The following C22orf15 variants were observed in gnomAD, a reference collection of about 807,000 sequenced individuals.
C22orf15 encodes the protein chromosome 22 open reading frame 15.
C22orf15 carries 21 observed loss-of-function variants against 20.3 expected under a neutral mutation model. The ratio of observed to expected loss-of-function variants is 1.04; its 90% CI spans 0.74 to 1.49. The LOEUF (loss-of-function observed/expected upper bound fraction) is 1.49. Ranked by LOEUF, C22orf15 falls within the 40% of genes most tolerant of loss-of-function variation. The probability of loss-of-function intolerance (pLI) is 0.00; values close to 1 mark genes in which losing one functional copy is unlikely to be tolerated. For missense variants in C22orf15, 170 were observed against 191.1 expected (o/e 0.89, Z 0.65); for synonymous variants, 78 against 75.4 (o/e 1.03, Z -0.18).
rs546921891 is a variant in C22orf15 at position 23,764,624 on chromosome 22, C to G, written c.251-15C>G. 6.2e-7 allele frequency: 1 copy of G among 1,613,862 alleles called. No homozygotes were observed. The highest frequency in any genetic ancestry group is 2.2e-5 in the East Asian group (1 of 44,902). ...GCCAGTCAGGTGTCCTTCATCGTCT[C>G]TCCACATGTCACAGAGGGAGAGGAC... On this transcript the variant is annotated splice_polypyrimidine_tract_variant and intron_variant, in intron 3 of 5. Transcript: ENST00000402217.
Position 23,764,544 on chromosome 22 carries a change from C to T in C22orf15, c.251-95C>T, listed in dbSNP as rs1350246522. Reference sequence around the variant, plus strand: ...ATCCATCCCTACCCAATGCTCTGCTCCCAGCCTGGACTAGCAAACAGTTCC... The same window carrying T: ...ATCCATCCCTACCCAATGCTCTGCTTCCAGCCTGGACTAGCAAACAGTTCC... On this transcript the variant is annotated intron_variant, in intron 3 of 5. Coordinates refer to ENST00000402217, the MANE Select transcript of C22orf15 (RefSeq NM_182520.3). 7.7e-6 allele frequency: 12 copies of T among 1,563,476 alleles called. No homozygotes were observed. The South Asian group carries it at 1.2e-4, about 16-fold the overall frequency.
In C22orf15 at chr22:23,763,163, G is replaced by T; in HGVS notation, c.-144G>T. The T allele has an allele frequency of 8.7e-7, 1 of 1,144,110 alleles. No individual in the cohort carries two copies. Among genetic ancestry groups the T allele is most frequent in the East Asian group, 2.7e-5 (1 of 37,268 alleles). 70.9% of individuals were successfully genotyped at this position (1,144,110 alleles called of 1,614,324 possible). ...GTGGCTGAGCAGGGGCCTGGCCCTG[G>T]GACCCAGCCATCCACACTCACACAT... On this transcript the variant is annotated 5_prime_UTR_variant, in exon 1 of 6. Transcript: ENST00000402217.
chr22:23,765,863 A>G lies in C22orf15; in HGVS notation c.*131A>G. On this transcript the variant is annotated 3_prime_UTR_variant, in exon 6 of 6. Coordinates refer to ENST00000402217, the MANE Select transcript of C22orf15 (RefSeq NM_182520.3). ...GTCTAAAATAAACTTTTAATTGCAC[A>G]TTTGTGTCTTGGGTTATCTGTGGGG... is the stretch of plus-strand genomic sequence containing the variant. 1 of 1,541,708 alleles carries G rather than the reference A, an allele frequency of 6.5e-7. No homozygotes were observed. Among genetic ancestry groups the G allele is most frequent in the Non-Finnish European group, 8.8e-7 (1 of 1,130,416 alleles).
At chr22:23,764,196 G>C in intron 2 of C22orf15, 23 bp downstream of exon 2, 1 of 1,551,684 alleles carries the variant, frequency 6.4e-7, no homozygotes, top group Middle Eastern at 1.7e-4. Context: ...GGAGGAGAAG[G>C]AGGGGCTGAG....
intron 3 of C22orf15, 73 bp from the exon 4 acceptor site, chr22:23,764,566 T>C: frequency 6.3e-7 from 1 of 1,576,280 alleles, no homozygotes; most frequent in African/African-American, 1.3e-5. Flanking sequence ...TAGCAAACAG[T>C]TCCAGAGTGA....
At position 23,764,378 on chromosome 22, in the gene C22orf15, T is replaced by G. The variant is rs1459945866; in HGVS notation, c.231T>G (p.Tyr77Ter). The change falls in exon 3 of 6, where the codon TAT becomes TAG. Residue 77 changes from tyrosine (Y) to a stop codon, truncating the protein, a stop_gained. Coordinates refer to ENST00000402217, the MANE Select transcript of C22orf15 (RefSeq NM_182520.3). LOFTEE classifies it high-confidence loss of function. Reference sequence around the variant, plus strand: ...CCCTACTGAAGGAGCGAGCCATATATGTCCTCGTTCGGATCATCAGTAAGG... The same window carrying G: ...CCCTACTGAAGGAGCGAGCCATATAGGTCCTCGTTCGGATCATCAGTAAGG... ...GNSLLKERAI[Y>*]VLVRIIKGED... 6.4e-7 allele frequency: 1 copy of G among 1,554,336 alleles called. No homozygotes were observed. The highest frequency in any genetic ancestry group is 8.7e-7 in the Non-Finnish European group (1 of 1,148,420).
intron 1 of C22orf15, 133 bp downstream of exon 1, chr22:23,763,464 G>A: frequency 1.9e-6 from 2 of 1,035,770 alleles, no homozygotes; most frequent in Non-Finnish European, 2.7e-6. Context: ...GGGGGTCGTC[G>A]GGGAAGCGGC....
At chr22:23,764,928 G>T (rs1322575287) in intron 5 of C22orf15, 26 bp downstream of exon 5, 17 of 1,593,050 alleles carry the variant, frequency 1.1e-5, no homozygotes, top group Non-Finnish European at 1.4e-5. Flanking sequence ...CCCAGGAGTT[G>T]CTAGCTGGGG....
At position 23,764,823 on chromosome 22, in the gene C22orf15, C is replaced by CTGTGGGCCACAACTGGAGGAAGCG. The variant is rs1239948372; in HGVS notation, c.358_381dup (p.Val120_Arg127dup). On this transcript the variant is annotated inframe_insertion, in exon 5 of 6. Coordinates refer to ENST00000402217, the MANE Select transcript of C22orf15 (RefSeq NM_182520.3). ...CTGCGCAGGCTGTCAGGCCTCTCCT[C>CTGTGGGCCACAACTGGAGGAAGCG]TGTGGGCCACAACTGGAGGAAGCGT... 1 of 1,614,022 alleles carries CTGTGGGCCACAACTGGAGGAAGCG rather than the reference C, an allele frequency of 6.2e-7. No individual in the cohort carries two copies. The highest frequency in any genetic ancestry group is 1.1e-5 in the South Asian group (1 of 91,082).
In C22orf15 at chr22:23,764,675, T is replaced by C. The variant is rs1271188144; in HGVS notation, c.287T>C (p.Leu96Pro). 1.2e-6 allele frequency: 2 copies of C among 1,614,158 alleles called. No individual in the cohort carries two copies. Among genetic ancestry groups the C allele is most frequent in the Non-Finnish European group, 1.7e-6 (2 of 1,180,018 alleles). Residue 96 changes from leucine (L) to proline (P), a missense_variant, in exon 4 of 6, where the codon CTA (leucine) becomes CCA (proline). Physicochemically the swap from Leu to Pro is moderately conservative, Grantham distance 98 (BLOSUM62 -3). Transcript: ENST00000402217. Reference protein sequence around the residue: ...EDMASTRYESLLENLDDHYPE... With the variant: ...EDMASTRYESPLENLDDHYPE... The stretch of plus-strand genomic sequence containing the variant: ...ATGGCCTCCACCCGCTATGAGTCCC[T>C]ATTGGAGAACCTGGATGACCATTAC...
chr22:23,763,246 A>T lies in C22orf15; in HGVS notation c.-61A>T. The T allele has an allele frequency of 6.5e-7, 1 of 1,544,194 alleles. No homozygotes were observed. The highest frequency in any genetic ancestry group is 8.8e-7 in the Non-Finnish European group (1 of 1,141,980). The stretch of plus-strand genomic sequence containing the variant: ...AGGTCTCTGCTCCACGCTTTTCCTT[A>T]GTTGGGGAATCGAGAGTTGGGGGAT... On this transcript the variant is annotated 5_prime_UTR_variant, in exon 1 of 6. Transcript: ENST00000402217.
At chr22:23,763,458 G>A (rs914734640) in intron 1 of C22orf15, 127 bp downstream of exon 1, 14 of 1,096,552 alleles carry the variant, frequency 1.3e-5, no homozygotes, top group Non-Finnish European at 1.8e-5. Context: ...CATGGCGGGG[G>A]TCGTCGGGGA....
intron 5 of C22orf15, 61 bp from the exon 6 acceptor site, chr22:23,765,660 A>G: frequency 2.0e-6 from 3 of 1,524,548 alleles, no homozygotes; most frequent in South Asian, 2.5e-5. Flanking sequence ...GGACTGCCCA[A>G]GGAATCTGTC....
chr22:23,763,228 T>C lies in C22orf15; in HGVS notation c.-79T>C. 6.5e-7 allele frequency: 1 copy of C among 1,540,070 alleles called. No homozygotes were observed. The highest frequency in any genetic ancestry group is 2.0e-5 in the Admixed American group (1 of 50,566). On this transcript the variant is annotated 5_prime_UTR_variant, in exon 1 of 6. Coordinates refer to ENST00000402217, the MANE Select transcript of C22orf15 (RefSeq NM_182520.3). ...AGAGCCCGGCCCTGAAGCAGGTCTC[T>C]GCTCCACGCTTTTCCTTAGTTGGGG...
chr22:23,764,985 AG>A, intron 5 of C22orf15, 83 bp downstream of exon 5: 1 of 1,525,134 alleles, frequency 6.6e-7, no homozygotes, highest in South Asian at 1.3e-5. Flanking sequence ...AGAGACACCC[AG>A]AGTGGGATCC....
intron 3 of C22orf15, 113 bp downstream of exon 3, chr22:23,764,510 C>T (rs1372056884): frequency 6.4e-7 from 1 of 1,566,148 alleles, no homozygotes. Flanking sequence ...GGCTGGGGAC[C>T]TAGCCCCAAT....
At chr22:23,764,025 G>A in intron 1 of C22orf15, 62 bp from the exon 2 acceptor site, 3 of 1,497,418 alleles carry the variant, frequency 2.0e-6, no homozygotes, top group Non-Finnish European at 2.7e-6. Context: ...GGGAGAGACA[G>A]AGGACCCCGA....
In C22orf15 at chr22:23,763,346, C is replaced by T; in HGVS notation, c.25+15C>T. On this transcript the variant is annotated intron_variant, in intron 1 of 5. Transcript: ENST00000402217. ...GATGTTTGGGGGTAAGTGGGGTCCC[C>T]TGTCTTGGTAGGCGGATAGGGGGAT... 6.5e-7 allele frequency: 1 copy of T among 1,547,418 alleles called. No homozygotes were observed. Among genetic ancestry groups the T allele is most frequent in the Non-Finnish European group, 8.7e-7 (1 of 1,145,622 alleles).
chr22:23,763,640 A>G (rs1317093246), intron 1 of C22orf15, among the ~76,000 whole-genome samples: 5 of 152,240 alleles, frequency 3.3e-5, no homozygotes, highest in Non-Finnish European at 5.9e-5. Context: ...GTGATCCTCA[A>G]GCTTCAGCGT....
Sources: allele counts gnomAD v4.1 joint callset (sites outside exome capture counted in the v4.1 genomes callset), GRCh38; gene constraint gnomAD v4.1.1; transcripts MANE v1.5; gene names NCBI Gene and HGNC (gene_info 2026-07-23, HGNC 2026-07-21).